The following LPCAT2 variants were observed in gnomAD, a reference collection of about 807,000 sequenced individuals.
LPCAT2 encodes the protein lysophosphatidylcholine acyltransferase 2, also known as 1-AGP acyltransferase 11.
Under a neutral mutation model 64.7 loss-of-function variants are expected in LPCAT2, and 58 were observed. The observed-to-expected ratio is 0.90, with a 90% CI of 0.73 to 1.12. The LOEUF (loss-of-function observed/expected upper bound fraction) is 1.12, where lower values mean the gene tolerates loss of function less well. Ranked by LOEUF, LPCAT2 falls within the 50% of genes most tolerant of loss-of-function variation. LPCAT2 has a pLI of 0.00. For missense variants in LPCAT2, 579 were observed against 669.8 expected (o/e 0.86, Z 1.50); for synonymous variants, 252 against 245.3 (o/e 1.03, Z -0.26).
chr16:55,534,389 T>G, intron 6 of LPCAT2, 54 bp from the exon 7 acceptor site: 1 of 1,035,656 alleles, frequency 9.7e-7, no homozygotes, highest in Non-Finnish European at 1.5e-6. Flanking sequence ...AGATCTTTAT[T>G]TTATTTAGTA....
chr16:55,567,422 C>T, intron 11 of LPCAT2: 22 of 1,613,810 alleles, frequency 1.4e-5, no homozygotes, highest in Non-Finnish European at 1.9e-5. Flanking sequence ...TGTTTCGTGC[C>T]TTCAAGTCTC....
At chr16:55,581,501 A>G (rs1305912662) in intron 13 of LPCAT2, among the ~76,000 whole-genome samples, 4 of 152,166 alleles carry the variant, frequency 2.6e-5, no homozygotes, top group African/African-American at 9.6e-5. Flanking sequence ...TTTTTGAGAT[A>G]CGGTCTCACT....
chr16:55,525,018 T>G (rs181725921), intron 1 of LPCAT2, among the ~76,000 whole-genome samples: 14 of 152,216 alleles, frequency 9.2e-5, no homozygotes, highest in African/African-American at 3.1e-4. Flanking sequence ...CTCATCTATC[T>G]CCTTATTGTT....
chr16:55,542,081 AGTCAAGAAAAAATGAATAAAC>A, intron 8 of LPCAT2: 1 of 745,298 alleles, frequency 1.3e-6, no homozygotes, highest in Non-Finnish European at 1.8e-6. Flanking sequence ...TGCTTGATGT[AGTCAAGAAAAAATGAATAAAC>A]TAGCTTTAGT....
intron 2 of LPCAT2, chr16:55,525,860 A>C: frequency 3.2e-6 from 1 of 312,308 alleles, no homozygotes; most frequent in Non-Finnish European, 5.7e-6. Flanking sequence ...AATACGTAGA[A>C]ATTACTGCCC....
At chr16:55,570,740 C>T (rs1225381735) in intron 11 of LPCAT2, among the ~76,000 whole-genome samples, 2 of 152,194 alleles carry the variant, frequency 1.3e-5, no homozygotes, top group East Asian at 3.9e-4. Flanking sequence ...TTCAGAATTG[C>T]TTTTTAAAAA....
At position 55,583,237 on chromosome 16, in the gene LPCAT2, TA is replaced by T. The variant is rs1276280740; in HGVS notation, c.*144del. The T allele has an allele frequency of 1.4e-6, 1 of 716,004 alleles. No individual in the cohort carries two copies. Among genetic ancestry groups the T allele is most frequent in the South Asian group, 3.1e-5 (1 of 32,432 alleles). The allele number at this position is 716,004 out of a possible 1,614,324, so 44.4% of individuals were successfully genotyped here. On this transcript the variant is annotated 3_prime_UTR_variant, in exon 14 of 14. Coordinates refer to ENST00000262134, the MANE Select transcript of LPCAT2 (RefSeq NM_017839.5). ...AAACAAAAATGATAGATTTTCTTAC[TA>T]AAAATGTTTTTATTAACCTTGCTTT...
intron 11 of LPCAT2, chr16:55,567,584 T>C (rs1024615553): frequency 2.2e-6 from 3 of 1,380,226 alleles, no homozygotes; most frequent in East Asian, 2.3e-5. Flanking sequence ...GCTGATACCC[T>C]GTGCAACAGC....
At chr16:55,582,141 C>T (rs1290858497) in intron 13 of LPCAT2, among the ~76,000 whole-genome samples, 1 of 152,046 alleles carries the variant, frequency 6.6e-6, no homozygotes, top group African/African-American at 2.4e-5. Context: ...CTAAATAAAA[C>T]ATATAAAGCA....
intron 1 of LPCAT2, among the ~76,000 whole-genome samples, chr16:55,520,170 G>A (rs1963074977): frequency 6.6e-6 from 1 of 151,966 alleles, no homozygotes; most frequent in South Asian, 2.1e-4. Flanking sequence ...CACTATAAAT[G>A]TAAATACAAA....
chr16:55,566,906 G>A lies in LPCAT2; in HGVS notation c.1216-7725G>A, dbSNP rs767810947. ...GAGGAATTGTGAATTTTATCAGTGA[G>A]GCTGCAGCAGCTCAGTATACTCCAG... On this transcript the variant is annotated intron_variant, in intron 11 of 13. Transcript: ENST00000262134. The A allele has an allele frequency of 1.9e-6, 3 of 1,613,840 alleles. No homozygotes were observed. In the East Asian group the frequency reaches 6.7e-5, roughly 36 times the overall value.
At chr16:55,552,483 C>T (rs1343776661) in intron 11 of LPCAT2, among the ~76,000 whole-genome samples, 21 of 151,770 alleles carry the variant, frequency 1.4e-4, no homozygotes, top group Admixed American at 1.4e-3. Context: ...GAGTAAGAAC[C>T]CTTTGTTTTA....
chr16:55,518,648 C>T (rs1187521692), intron 1 of LPCAT2, among the ~76,000 whole-genome samples: 3 of 152,120 alleles, frequency 2.0e-5, no homozygotes, highest in African/African-American at 7.2e-5. Context: ...CACTGATTTT[C>T]CACAGGATTG....
chr16:55,548,106 T>G (rs762602717), intron 9 of LPCAT2, among the ~76,000 whole-genome samples: 1 of 152,178 alleles, frequency 6.6e-6, no homozygotes, highest in Non-Finnish European at 1.5e-5. Flanking sequence ...CATTCAAAAT[T>G]TAATGTTTCT....
chr16:55,576,148 G>A (rs963254960), intron 12 of LPCAT2, among the ~76,000 whole-genome samples: 1 of 151,300 alleles, frequency 6.6e-6, no homozygotes, highest in East Asian at 2.0e-4. Flanking sequence ...TTTGGGGAAG[G>A]GGAAGGGAAG....
At chr16:55,520,440 C>A (rs1963079043) in intron 1 of LPCAT2, among the ~76,000 whole-genome samples, 2 of 151,970 alleles carry the variant, frequency 1.3e-5, no homozygotes, top group South Asian at 4.1e-4. Context: ...TGGTAACACA[C>A]CTTTCTTGGT....
intron 11 of LPCAT2, among the ~76,000 whole-genome samples, chr16:55,559,650 C>T (rs540097945): frequency 2.2e-4 from 34 of 151,588 alleles, no homozygotes; most frequent in Non-Finnish European, 3.8e-4. Context: ...TTCCAGTTAA[C>T]GTTTTATATG....
chr16:55,537,768 C>A, intron 8 of LPCAT2, 136 bp downstream of exon 8: 2 of 654,132 alleles, frequency 3.1e-6, no homozygotes, highest in South Asian at 2.2e-5. Context: ...CCTAGGCTGT[C>A]AGATTTAGCC....
At chr16:55,518,075 C>G (rs1049278101) in intron 1 of LPCAT2, among the ~76,000 whole-genome samples, 2 of 151,980 alleles carry the variant, frequency 1.3e-5, no homozygotes, top group African/African-American at 4.8e-5. Flanking sequence ...ACACTTGGAG[C>G]TAATAAATCA....
Sources: allele counts gnomAD v4.1 joint callset (sites outside exome capture counted in the v4.1 genomes callset), GRCh38; gene constraint gnomAD v4.1.1; transcripts MANE v1.5; gene names NCBI Gene and HGNC (gene_info 2026-07-23, HGNC 2026-07-21).